GNAO1: variants seen among roughly 807,000 people sequenced by gnomAD.
GNAO1 encodes the protein guanine nucleotide-binding protein G(o) subunit alpha.
For synonymous variants in GNAO1, 164 were observed against 180.7 expected (o/e 0.91, Z 0.74); for missense variants, 166 against 478.7 (o/e 0.35, Z 6.10).
intron 6 of GNAO1, 53 bp downstream of exon 6, chr16:56,336,913 G>T: frequency 6.5e-7 from 1 of 1,549,306 alleles, no homozygotes; most frequent in Non-Finnish European, 8.7e-7. Flanking sequence ...GACGGCCGCA[G>T]GATAGGCCAG....
intron 3 of GNAO1, among the ~76,000 whole-genome samples, chr16:56,294,316 C>G (rs2037262482): frequency 6.7e-6 from 1 of 149,474 alleles, no homozygotes; most frequent in Non-Finnish European, 1.5e-5. Context: ...TCTCTTTGCT[C>G]CAACCACAGC....
intron 2 of GNAO1, among the ~76,000 whole-genome samples, chr16:56,228,325 A>G (rs1341304675): frequency 1.3e-5 from 2 of 152,064 alleles, no homozygotes; most frequent in Non-Finnish European, 2.9e-5. Context: ...GTACCTCTTT[A>G]GTAAAAGATG....
At chr16:56,347,771 CCCCT>C (rs2037886106) in intron 6 of GNAO1, 3 of 847,642 alleles carry the variant, frequency 3.5e-6, no homozygotes, top group Non-Finnish European at 2.8e-6. Context: ...CCCCACCCCT[CCCCT>C]CCCTTTCCCT....
chr16:56,219,415 A>G (rs1020397729), intron 2 of GNAO1, among the ~76,000 whole-genome samples: 1 of 152,132 alleles, frequency 6.6e-6, no homozygotes, highest in Non-Finnish European at 1.5e-5. Context: ...ACCCCATTGC[A>G]TCTCTTCTCC....
chr16:56,345,054 C>G, intron 6 of GNAO1: 6 of 985,208 alleles, frequency 6.1e-6, no homozygotes, highest in Non-Finnish European at 7.2e-6. Context: ...ACAAACACAC[C>G]CCCCTGTCCC....
At chr16:56,339,566 CA>C (rs1357037578) in intron 6 of GNAO1, among the ~76,000 whole-genome samples, 1 of 152,232 alleles carries the variant, frequency 6.6e-6, no homozygotes, top group East Asian at 1.9e-4. Flanking sequence ...GAGCCTGCAA[CA>C]AAGGTGTCTG....
rs557742006 is a variant in GNAO1, at chr16:56,263,281, C to T, written c.162-12650C>T. Among the ~76,000 whole-genome samples the T allele has an allele frequency of 1.7e-4, 26 of 152,280 alleles. 1 individual carries two copies. The highest frequency in any genetic ancestry group is 9.2e-4 in the Admixed American group (14 of 15,294). ...TCACAGAAAGGAGTTATATGTGGAGCCCTCATTTTAGAGCCAGAGGTCCCA... is the reference window on the plus strand; with the variant it reads ...TCACAGAAAGGAGTTATATGTGGAGTCCTCATTTTAGAGCCAGAGGTCCCA... On this transcript the variant is annotated intron_variant, in intron 2 of 8. Coordinates refer to ENST00000262493, the MANE Select transcript of GNAO1 (RefSeq NM_020988.3).
intron 2 of GNAO1, among the ~76,000 whole-genome samples, chr16:56,219,655 G>T (rs1443800663): frequency 6.6e-6 from 1 of 152,118 alleles, no homozygotes; most frequent in Non-Finnish European, 1.5e-5. Flanking sequence ...CAAACCAGAG[G>T]TCAAGACTTG....
chr16:56,310,163 A>C (rs1317801758), intron 3 of GNAO1, among the ~76,000 whole-genome samples: 3 of 147,620 alleles, frequency 2.0e-5, no homozygotes, highest in African/African-American at 7.4e-5. Context: ...AAAAGAAAGA[A>C]AAAAAAAAGA....
chr16:56,228,937 T>C (rs1238640137), intron 2 of GNAO1, among the ~76,000 whole-genome samples: 2 of 152,256 alleles, frequency 1.3e-5, no homozygotes, highest in Non-Finnish European at 2.9e-5. Context: ...TTGTTAGTTA[T>C]CTTTACTCGT....
intron 2 of GNAO1, among the ~76,000 whole-genome samples, chr16:56,262,367 A>C (rs2126985): frequency 6.6e-6 from 1 of 152,240 alleles, no homozygotes; most frequent in Non-Finnish European, 1.5e-5. Context: ...GCCTGGTGTC[A>C]GAAAGGACAA....
intron 2 of GNAO1, among the ~76,000 whole-genome samples, chr16:56,238,134 G>A (rs1435203054): frequency 3.3e-5 from 5 of 150,848 alleles, no homozygotes; most frequent in Non-Finnish European, 7.4e-5. Context: ...ACATTTGTGG[G>A]ACGACTTTTT....
At chr16:56,192,379 T>TGC in intron 1 of GNAO1, 26 bp downstream of exon 1, 2 of 1,115,856 alleles carry the variant, frequency 1.8e-6, no homozygotes, top group Non-Finnish European at 2.5e-6. Context: ...GCTACCCCCA[T>TGC]CCCCCGACCC....
chr16:56,211,919 G>A (rs1318384502), intron 2 of GNAO1, among the ~76,000 whole-genome samples: 1 of 152,170 alleles, frequency 6.6e-6, no homozygotes, highest in Non-Finnish European at 1.5e-5. Context: ...TGGAACACAT[G>A]GCTCTTCACA....
chr16:56,310,164 A>G (rs1180480132), intron 3 of GNAO1, among the ~76,000 whole-genome samples: 1 of 151,978 alleles, frequency 6.6e-6, no homozygotes, highest in Non-Finnish European at 1.5e-5. Flanking sequence ...AAAGAAAGAA[A>G]AAAAAAAGAA....
At position 56,255,133 on chromosome 16, in the gene GNAO1, T is replaced by C. The variant is rs546821281; in HGVS notation, c.162-20798T>C. 2.0e-5 allele frequency among the ~76,000 whole-genome samples: 3 copies of C among 152,344 alleles called. No homozygotes were observed. The South Asian group carries it at 6.2e-4, about 32-fold the overall frequency. ...TGTTGGTGGAATTTCCCTTGTAGTA[T>C]GTCCCTTCTATTTTCAGAGTCCTTC... is the stretch of plus-strand genomic sequence containing the variant. On this transcript the variant is annotated intron_variant, in intron 2 of 8. Transcript: ENST00000262493.
intron 2 of GNAO1, among the ~76,000 whole-genome samples, chr16:56,201,749 T>C (rs1444067798): frequency 1.3e-5 from 2 of 152,220 alleles, no homozygotes; most frequent in African/African-American, 2.4e-5. Context: ...TTAATGAGTA[T>C]GGACAAAAAT....
intron 3 of GNAO1, among the ~76,000 whole-genome samples, chr16:56,288,877 T>C (rs1596844297): frequency 6.6e-6 from 1 of 151,742 alleles, no homozygotes; most frequent in Non-Finnish European, 1.5e-5. Flanking sequence ...CCCTACAGGG[T>C]CTCCATTTTT....
intron 2 of GNAO1, among the ~76,000 whole-genome samples, chr16:56,195,831 A>G (rs1317451182): frequency 2.0e-5 from 3 of 152,244 alleles, no homozygotes; most frequent in African/African-American, 2.4e-5. Context: ...GAGTCATTCC[A>G]TTGAGCCTGT....
Sources: allele counts gnomAD v4.1 joint callset (sites outside exome capture counted in the v4.1 genomes callset), GRCh38; gene constraint gnomAD v4.1.1; transcripts MANE v1.5; gene names NCBI Gene and HGNC (gene_info 2026-07-23, HGNC 2026-07-21).